Variants in NIPA1 observed in about 807,000 individuals in gnomAD.
The protein encoded by NIPA1 is magnesium transporter NIPA1.
In NIPA1, 13 loss-of-function variants were observed where a neutral mutation model predicts 23.9. The observed-to-expected ratio is 0.54, with a 90% CI of 0.35 to 0.87. NIPA1 has a LOEUF of 0.87. Among genes scored for constraint, NIPA1 ranks in the 40% least tolerant of loss-of-function variants. The pLI is 0.01. For synonymous variants in NIPA1, 234 were observed against 202.9 expected, an observed-to-expected ratio of 1.15 and a Z score of -1.30; for missense variants, 362 against 429.7, an observed-to-expected ratio of 0.84 and a Z score of 1.39.
At position 22,828,995 on chromosome 15, in the gene NIPA1, G is replaced by A. The variant is rs1219699214; in HGVS notation, c.*4756G>A. Reference sequence around the variant, plus strand: ...GGAGTCTGCTCAGGACCATGCTGTAGGACACACAGCCTCATGCGCTGAGAA... The same window carrying A: ...GGAGTCTGCTCAGGACCATGCTGTAAGACACACAGCCTCATGCGCTGAGAA... On this transcript the variant is annotated 3_prime_UTR_variant, in exon 5 of 5. Transcript: ENST00000337435. 2.0e-5 allele frequency: 3 copies of A among 152,272 alleles called. No homozygotes were observed. Among genetic ancestry groups the A allele is most frequent in the South Asian group, 2.1e-4 (1 of 4,836 alleles). 9.4% of individuals were successfully genotyped at this position (152,272 alleles called of 1,614,324 possible).
chr15:22,822,377 C>G (rs1303641000), intron 4 of NIPA1, among the ~76,000 whole-genome samples: 2 of 152,048 alleles, frequency 1.3e-5, no homozygotes, highest in Admixed American at 6.6e-5. Context: ...TCTGCACATG[C>G]CTCTGCCCAC....
At chr15:22,799,761 G>A (rs376439564) in intron 1 of NIPA1, among the ~76,000 whole-genome samples, 129 of 149,104 alleles carry the variant, frequency 8.7e-4, no homozygotes, top group African/African-American at 2.8e-3. Context: ...CAGCCTGGGC[G>A]ACAGAGCAAG....
In NIPA1 at chr15:22,804,474, T is replaced by C. The variant is rs1286572319; in HGVS notation, c.179-6275T>C. ...TTTAGTTTTGTTGAAGTCTAATTTG[T>C]CTGTTTTTTTCCTATCTGGTCGGTG... On this transcript the variant is annotated intron_variant, in intron 1 of 4. Transcript: ENST00000337435. Among the ~76,000 whole-genome samples the C allele has an allele frequency of 2.6e-5, 4 of 152,240 alleles. No homozygotes were observed. In the East Asian group the frequency reaches 7.7e-4, roughly 29 times the overall value.
intron 1 of NIPA1, among the ~76,000 whole-genome samples, chr15:22,795,967 C>T (rs947558508): frequency 3.9e-5 from 6 of 151,904 alleles, no homozygotes; most frequent in African/African-American, 1.2e-4. Flanking sequence ...GGTCTTTTTC[C>T]GTCGCCCAGG....
At chr15:22,792,109 T>TTTC (rs1292503999) in intron 1 of NIPA1, among the ~76,000 whole-genome samples, 1 of 152,154 alleles carries the variant, frequency 6.6e-6, no homozygotes, top group Non-Finnish European at 1.5e-5. Context: ...CAGAGCCCCA[T>TTTC]TGAAGCAGGG....
intron 3 of NIPA1, chr15:22,813,933 TAAAC>T: frequency 7.3e-6 from 3 of 410,870 alleles, no homozygotes; most frequent in East Asian, 1.5e-4. Context: ...ATCAGGCAGA[TAAAC>T]AACCTGACCT....
chr15:22,810,607 T>C (rs757639479), intron 1 of NIPA1, 142 bp from the exon 2 acceptor site: 2 of 666,502 alleles, frequency 3.0e-6, no homozygotes, highest in Non-Finnish European at 5.4e-6. Context: ...TGAAAGATTC[T>C]CTTTAGGGTG....
Position 22,826,933 on chromosome 15 carries a change from T to C in NIPA1, c.*2694T>C, listed in dbSNP as rs1479663616. 6.6e-6 allele frequency: 1 copy of C among 152,164 alleles called. No homozygotes were observed. Among genetic ancestry groups the C allele is most frequent in the Non-Finnish European group, 1.5e-5 (1 of 68,030 alleles). The allele number at this position is 152,164 out of a possible 1,614,324, so 9.4% of individuals were successfully genotyped here. On this transcript the variant is annotated 3_prime_UTR_variant, in exon 5 of 5. Coordinates refer to ENST00000337435, the MANE Select transcript of NIPA1 (RefSeq NM_144599.5). ...ATTTTCAAATTTAATATAGAGCATA[T>C]AACTTCTGATTTGATAGTATTTATT...
At position 22,812,248 on chromosome 15, in the gene NIPA1, G is replaced by A. The variant is rs139372534; in HGVS notation, c.312G>A (p.Pro104=). ...LVTPLGALGV[P]FGSILASYLL... is the part of the protein sequence containing the mutation. ...CCCCCCTGGGCGCCCTTGGAGTACC[G>A]TTCGGGTGAGAGCCAAGATTGTGTT... The change falls in exon 3 of 5, where the codon CCG becomes CCA. Residue 104 remains proline, a synonymous_variant. Coordinates refer to ENST00000337435, the MANE Select transcript of NIPA1 (RefSeq NM_144599.5). The A allele has an allele frequency of 1.2e-3, 1,856 of 1,607,748 alleles. 5 individuals are homozygous for A. Among genetic ancestry groups the A allele is most frequent in the Non-Finnish European group, 1.5e-3 (1,728 of 1,174,240 alleles).
chr15:22,811,891 T>C (rs368668019), intron 2 of NIPA1, among the ~76,000 whole-genome samples: 2 of 152,216 alleles, frequency 1.3e-5, no homozygotes, highest in Non-Finnish European at 2.9e-5. Context: ...AGCGGAGATA[T>C]GCCCAGTGCT....
intron 4 of NIPA1, among the ~76,000 whole-genome samples, chr15:22,822,129 G>A (rs1032118578): frequency 3.9e-5 from 6 of 152,216 alleles, no homozygotes; most frequent in Admixed American, 3.3e-4. Flanking sequence ...ATCCTCAGAT[G>A]GAGCATAACT....
chr15:22,800,944 GAAAAAAA>G (rs34332265), intron 1 of NIPA1, among the ~76,000 whole-genome samples: 1 of 142,028 alleles, frequency 7.0e-6, no homozygotes, highest in Admixed American at 7.2e-5. Context: ...AAAAAAAAAA[GAAAAAAA>G]AAAAATTAGC....
chr15:22,808,679 C>CTTTTTTTTTT lies in NIPA1; in HGVS notation c.179-2062_179-2061insTTTTTTTTTT, dbSNP rs59983551. On this transcript the variant is annotated intron_variant, in intron 1 of 4. Coordinates refer to ENST00000337435, the MANE Select transcript of NIPA1 (RefSeq NM_144599.5). ...TGTGATGTGATCAAATAGCAATATT[C>CTTTTTTTTTT]TTTTTTTTGAGACAGTGTCTCACTC... Among the ~76,000 whole-genome samples the CTTTTTTTTTT allele has an allele frequency of 6.8e-4, 87 of 128,314 alleles. 24 individuals carry two copies. The highest frequency in any genetic ancestry group is 8.1e-4 in the African/African-American group (26 of 31,958). 84.2% of individuals were successfully genotyped at this position (128,314 alleles called of 152,430 possible). A position where few individuals can be genotyped will look rare whatever the true frequency, so the allele number is the denominator to read the frequency against.
chr15:22,799,894 AG>A (rs1895033825), intron 1 of NIPA1, among the ~76,000 whole-genome samples: 1 of 146,780 alleles, frequency 6.8e-6, no homozygotes, highest in Non-Finnish European at 1.5e-5. Flanking sequence ...CAGGGAGCCA[AG>A]ATCGCACCAC....
intron 1 of NIPA1, among the ~76,000 whole-genome samples, chr15:22,795,544 G>T (rs571270281): frequency 7.3e-4 from 111 of 152,254 alleles, no homozygotes; most frequent in African/African-American, 2.3e-3. Context: ...TATCCCTGTG[G>T]CTTCTTCACA....
intron 3 of NIPA1, chr15:22,814,133 T>C: frequency 1.5e-5 from 19 of 1,261,830 alleles, no homozygotes; most frequent in Non-Finnish European, 2.0e-5. Context: ...ATAAAAAGCC[T>C]GTCTTCAACT....
At chr15:22,817,499 C>CAA (rs60309093) in intron 3 of NIPA1, among the ~76,000 whole-genome samples, 34,229 of 122,598 alleles carry the variant, frequency 0.28, 4,572 homozygotes, top group Non-Finnish European at 0.32. Flanking sequence ...AACTCCGTCT[C>CAA]AAAAAAAAAA....
At chr15:22,813,877 T>A (rs533985463) in intron 3 of NIPA1, among the ~76,000 whole-genome samples, 1 of 152,146 alleles carries the variant, frequency 6.6e-6, no homozygotes, top group Non-Finnish European at 1.5e-5. Flanking sequence ...GTTCTCACTT[T>A]GGGAAACACT....
At chr15:22,796,645 C>A (rs72699926) in intron 1 of NIPA1, among the ~76,000 whole-genome samples, 11,522 of 152,042 alleles carry the variant, frequency 0.076, 603 homozygotes, top group South Asian at 0.17. Context: ...ATACCAATTT[C>A]TTTTTTGTTT....
Sources: gnomAD v4.1 joint callset for allele counts (sites outside exome capture counted in the v4.1 genomes callset) on GRCh38, gnomAD v4.1.1 for gene constraint, MANE v1.5 for transcripts, NCBI Gene and HGNC (gene_info 2026-07-23, HGNC 2026-07-21) for gene names.